The following MRPL39 variants were observed in gnomAD, a reference collection of about 807,000 sequenced individuals.
MRPL39 encodes large ribosomal subunit protein mL39.
A neutral mutation model predicts 44.5 loss-of-function variants in MRPL39; 35 were observed. The observed-to-expected ratio is 0.79, with a 90% CI of 0.60 to 1.04. The LOEUF (loss-of-function observed/expected upper bound fraction) is 1.04, where lower values mean the gene tolerates loss of function less well. Among genes scored for constraint, MRPL39 ranks in the 50% least tolerant of loss-of-function variants. The pLI, the probability that MRPL39 is intolerant of heterozygous loss-of-function variation, is 0.00. For synonymous variants in MRPL39, 139 were observed against 136.1 expected (o/e 1.02, Z -0.15); for missense variants, 433 against 413.5 (o/e 1.05, Z -0.41).
intron 2 of MRPL39, among the ~76,000 whole-genome samples, chr21:25,605,031 CT>C (rs1470412940): frequency 6.6e-6 from 1 of 152,188 alleles, no homozygotes; most frequent in Admixed American, 6.5e-5. Flanking sequence ...TCCAGAAATA[CT>C]TGAAAACCAA....
At chr21:25,598,438 TA>T (rs780003224) in intron 5 of MRPL39, among the ~76,000 whole-genome samples, 3,859 of 95,880 alleles carry the variant, frequency 0.04, 187 homozygotes, top group African/African-American at 0.11. Context: ...CCCATCTCTT[TA>T]AAAAAAAAAA....
chr21:25,606,431 C>G lies in MRPL39; in HGVS notation c.280+18G>C, dbSNP rs199672899. Reference sequence around the variant, plus strand: ...TTAAGTAAAAGGGTCAAAACTGTAACCTGATTCTGCTACTTACGCATGGCA... The same window carrying G: ...TTAAGTAAAAGGGTCAAAACTGTAAGCTGATTCTGCTACTTACGCATGGCA... On this transcript the variant is annotated intron_variant, in intron 2 of 9. Transcript: ENST00000352957. The G allele has an allele frequency of 5.6e-5, 88 of 1,567,566 alleles. No individual in the cohort carries two copies. The African/African-American group carries it at 1.1e-3, about 20-fold the overall frequency.
chr21:25,606,248 G>C (rs1391793508), intron 2 of MRPL39, among the ~76,000 whole-genome samples: 1 of 152,170 alleles, frequency 6.6e-6, no homozygotes, highest in African/African-American at 2.4e-5. Context: ...CCAAGTAGCT[G>C]GGATTTGCTT....
chr21:25,590,284 AG>A (rs2031131724), intron 8 of MRPL39, among the ~76,000 whole-genome samples: 1 of 152,152 alleles, frequency 6.6e-6, no homozygotes, highest in African/African-American at 2.4e-5. Context: ...TAAGGAAACC[AG>A]GGGTATCCAA....
intron 8 of MRPL39, 63 bp from the exon 9 acceptor site, chr21:25,588,945 A>G (rs1317040208): frequency 7.3e-7 from 1 of 1,361,128 alleles, no homozygotes; most frequent in East Asian, 2.3e-5. Context: ...AAAAGGACAG[A>G]GTCTTTATAT....
intron 4 of MRPL39, among the ~76,000 whole-genome samples, chr21:25,600,913 C>T (rs1242494981): frequency 1.3e-5 from 2 of 152,172 alleles, no homozygotes; most frequent in African/African-American, 4.8e-5. Flanking sequence ...CGAGACCATC[C>T]TAGCTAACAT....
At chr21:25,595,490 G>A (rs944287853) in intron 6 of MRPL39, among the ~76,000 whole-genome samples, 2 of 152,140 alleles carry the variant, frequency 1.3e-5, no homozygotes, top group Non-Finnish European at 2.9e-5. Context: ...CCCAGAAGCC[G>A]CTACCAGTCC....
At chr21:25,604,957 C>T (rs372870422) in intron 2 of MRPL39, among the ~76,000 whole-genome samples, 20 of 152,214 alleles carry the variant, frequency 1.3e-4, no homozygotes, top group African/African-American at 4.8e-4. Context: ...TATAAAGCTC[C>T]TTAAGGGCCT....
chr21:25,606,061 G>A (rs1262989159), intron 2 of MRPL39, among the ~76,000 whole-genome samples: 1 of 152,064 alleles, frequency 6.6e-6, no homozygotes, highest in Non-Finnish European at 1.5e-5. Context: ...AGAACTACAG[G>A]GACAGTGAAT....
intron 8 of MRPL39, among the ~76,000 whole-genome samples, chr21:25,592,272 G>A (rs568084819): frequency 6.6e-5 from 10 of 152,270 alleles, no homozygotes; most frequent in East Asian, 1.9e-4. Context: ...TCATTGTATC[G>A]CTGTCCATAC....
In MRPL39 at chr21:25,606,585, A is replaced by T. The variant is rs867107880; in HGVS notation, c.144T>A (p.Phe48Leu). Residue 48 changes from phenylalanine (F) to leucine (L), a missense_variant, in exon 2 of 10, where the codon TTT becomes TTA. By Grantham distance (22) the Phe-to-Leu change is conservative. Coordinates refer to ENST00000352957, the MANE Select transcript of MRPL39 (RefSeq NM_017446.4). ...ATAACTGCCTGGCTTTCTCTTTATT[A>T]AAGAGATCATTCCGCATTTCTGTCA... ...TELTEMRNDL[F>L]NKEKARQLSL... The T allele has an allele frequency of 2.5e-6, 4 of 1,613,970 alleles. No homozygotes were observed. The highest frequency in any genetic ancestry group is 1.6e-4 in the Middle Eastern group (1 of 6,062).
intron 6 of MRPL39, 120 bp from the exon 7 acceptor site, chr21:25,594,078 A>C: frequency 1.3e-6 from 1 of 778,682 alleles, no homozygotes; most frequent in Non-Finnish European, 2.1e-6. Flanking sequence ...TACACTTGGA[A>C]CCTCCCTTTA....
intron 9 of MRPL39, among the ~76,000 whole-genome samples, chr21:25,588,289 G>C (rs2031066525): frequency 6.7e-6 from 1 of 149,278 alleles, no homozygotes; most frequent in African/African-American, 2.5e-5. Flanking sequence ...TCCAGCCTGG[G>C]AGACAGAACA....
At position 25,607,386 on chromosome 21, in the gene MRPL39, C is replaced by A. The variant is rs200769015; in HGVS notation, c.73+17G>T. On this transcript the variant is annotated intron_variant, in intron 1 of 9. Coordinates refer to ENST00000352957, the MANE Select transcript of MRPL39 (RefSeq NM_017446.4). ...ATCTAGGCCTCGCTCCCTGTCCCTA[C>A]GGCCTCTGAAACTCACTCCATTTGA... The A allele has an allele frequency of 3.8e-4, 610 of 1,613,714 alleles. 2 individuals carry two copies. In the African/African-American group the frequency reaches 7.6e-3, roughly 20 times the overall value.
intron 9 of MRPL39, 54 bp downstream of exon 9, chr21:25,588,781 A>T: frequency 6.7e-7 from 1 of 1,499,424 alleles, no homozygotes; most frequent in Middle Eastern, 1.7e-4. Context: ...TTATTGGTTA[A>T]TTTTGATGAA....
intron 8 of MRPL39, among the ~76,000 whole-genome samples, chr21:25,589,338 C>T (rs1041221931): frequency 6.6e-6 from 1 of 152,128 alleles, no homozygotes; most frequent in African/African-American, 2.4e-5. Flanking sequence ...CCAACTGTGA[C>T]ATCTTCACAC....
At chr21:25,601,949 G>A (rs2031537537) in intron 3 of MRPL39, among the ~76,000 whole-genome samples, 1 of 152,188 alleles carries the variant, frequency 6.6e-6, no homozygotes, top group Admixed American at 6.5e-5. Flanking sequence ...TAGCAGAGCA[G>A]CAGGAACTGG....
chr21:25,596,001 C>G (rs898674369), intron 6 of MRPL39, among the ~76,000 whole-genome samples: 3 of 152,150 alleles, frequency 2.0e-5, no homozygotes, highest in African/African-American at 7.2e-5. Context: ...GGTTCCAGGA[C>G]ACGCTAAAAA....
chr21:25,606,677 T>C, intron 1 of MRPL39, 22 bp from the exon 2 acceptor site: 2 of 1,573,446 alleles, frequency 1.3e-6, no homozygotes, highest in Non-Finnish European at 1.7e-6. Context: ...TTACAATAAA[T>C]ATGAAGACTG....
Sources: allele counts gnomAD v4.1 joint callset (sites outside exome capture counted in the v4.1 genomes callset), GRCh38; gene constraint gnomAD v4.1.1; transcripts MANE v1.5; gene names NCBI Gene and HGNC (gene_info 2026-07-23, HGNC 2026-07-21).